The following LIPC variants were observed in gnomAD, a reference collection of about 807,000 sequenced individuals.
LIPC encodes the protein hepatic triacylglycerol lipase.
LIPC carries 44 observed loss-of-function variants against 50.7 expected under a neutral mutation model. The observed-to-expected ratio is 0.87, with a 90% CI of 0.68 to 1.11. The LOEUF is 1.11. Ranked by LOEUF, LIPC falls within the 50% of genes most tolerant of loss-of-function variation. LIPC has a pLI of 0.00. For synonymous variants in LIPC, 271 were observed against 256.4 expected, an observed-to-expected ratio of 1.06 and a Z score of -0.54; for missense variants, 697 against 648.2, an observed-to-expected ratio of 1.08 and a Z score of -0.82.
chr15:58,460,477 G>C (rs187135864), intron 1 of LIPC, among the ~76,000 whole-genome samples: 1 of 152,206 alleles, frequency 6.6e-6, no homozygotes, highest in Non-Finnish European at 1.5e-5. Flanking sequence ...TCTCAGCCTC[G>C]TACTGCGTGC....
intron 8 of LIPC, chr15:58,566,054 T>A: frequency 1.0e-6 from 1 of 982,354 alleles, no homozygotes; most frequent in Non-Finnish European, 1.2e-6. Flanking sequence ...ATACAAAGCA[T>A]CTGGGAATCA....
At chr15:58,515,597 C>T (rs1209505413) in intron 1 of LIPC, among the ~76,000 whole-genome samples, 2 of 150,256 alleles carry the variant, frequency 1.3e-5, no homozygotes, top group African/African-American at 4.9e-5. Context: ...ACAAAAAGGG[C>T]CTTTGGAGAT....
intron 1 of LIPC, among the ~76,000 whole-genome samples, chr15:58,519,752 C>T (rs191874722): frequency 7.2e-5 from 11 of 152,198 alleles, no homozygotes; most frequent in Non-Finnish European, 2.9e-5. Flanking sequence ...GTGTCTCCTC[C>T]GGAGTTATTC....
intron 1 of LIPC, among the ~76,000 whole-genome samples, chr15:58,532,776 A>G (rs546099839): frequency 3.9e-5 from 6 of 152,296 alleles, no homozygotes; most frequent in African/African-American, 1.2e-4. Context: ...CCCCACCTCA[A>G]TTGCCTGCAG....
chr15:58,472,575 TCA>T (rs1890849940), intron 1 of LIPC, among the ~76,000 whole-genome samples: 1 of 51,440 alleles, frequency 1.9e-5, no homozygotes. Context: ...GACTCTTGTC[TCA>T]AAAAAAAAAA....
At chr15:58,500,747 CT>C (rs1891956776) in intron 1 of LIPC, among the ~76,000 whole-genome samples, 1 of 137,704 alleles carries the variant, frequency 7.3e-6, no homozygotes, top group African/African-American at 2.7e-5. Context: ...CACCACCCCC[CT>C]CTCCCCCCAC....
chr15:58,525,967 A>G (rs1892790048), intron 1 of LIPC, among the ~76,000 whole-genome samples: 1 of 152,186 alleles, frequency 6.6e-6, no homozygotes, highest in African/African-American at 2.4e-5. Context: ...CGTTTATCTC[A>G]TTCACTTACA....
intron 6 of LIPC, among the ~76,000 whole-genome samples, chr15:58,558,696 C>A (rs1243141166): frequency 1.3e-5 from 2 of 149,466 alleles, no homozygotes; most frequent in East Asian, 4.0e-4. Flanking sequence ...ATCCCCCCTG[C>A]CCCCACACTG....
At chr15:58,522,927 T>G (rs1323434838) in intron 1 of LIPC, 1 of 152,252 alleles carries the variant, frequency 6.6e-6, no homozygotes, top group African/African-American at 2.4e-5. Flanking sequence ...CTTTCCAACA[T>G]TCGTCACTTT....
chr15:58,527,122 T>C (rs1003095525), intron 1 of LIPC, among the ~76,000 whole-genome samples: 5 of 152,144 alleles, frequency 3.3e-5, no homozygotes, highest in Non-Finnish European at 7.4e-5. Flanking sequence ...CAAAAGAATA[T>C]CTTAGGGGAA....
intron 1 of LIPC, among the ~76,000 whole-genome samples, chr15:58,518,788 C>T (rs1303295635): frequency 6.6e-6 from 1 of 152,072 alleles, no homozygotes; most frequent in African/African-American, 2.4e-5. Context: ...TGATGGAAGT[C>T]TGAACAGTTA....
Position 58,503,386 on chromosome 15 carries a change from C to T in LIPC, c.89-34947C>T, listed in dbSNP as rs867682625. Among the ~76,000 whole-genome samples, 18 of 152,228 alleles carry T rather than the reference C, an allele frequency of 1.2e-4. No individual in the cohort carries two copies. In the South Asian group the frequency reaches 3.7e-3, roughly 32 times the overall value. On this transcript the variant is annotated intron_variant, in intron 1 of 8. Transcript: ENST00000299022. ...GAGTCCAAGGTAGGACACTAAGAGT[C>T]AGGGAGAGGTGATTTGTGAAAGGCT...
chr15:58,469,102 T>TG (rs1894682861), intron 1 of LIPC, among the ~76,000 whole-genome samples: 2 of 140,624 alleles, frequency 1.4e-5, no homozygotes, highest in African/African-American at 2.7e-5. Context: ...AGGGAACATT[T>TG]TGTGTGTGTG....
chr15:58,489,930 A>G (rs1463016155), intron 1 of LIPC, among the ~76,000 whole-genome samples: 1 of 152,148 alleles, frequency 6.6e-6, no homozygotes, highest in Admixed American at 6.5e-5. Flanking sequence ...AGCAAGATGG[A>G]GTCAACTATG....
At chr15:58,443,505 T>C (rs1350383494) in intron 1 of LIPC, among the ~76,000 whole-genome samples, 1 of 152,246 alleles carries the variant, frequency 6.6e-6, no homozygotes, top group Admixed American at 6.5e-5. Flanking sequence ...AATTCTGGGC[T>C]ACTTTTAAGG....
chr15:58,468,984 C>G (rs16940339), intron 1 of LIPC, among the ~76,000 whole-genome samples: 1 of 152,188 alleles, frequency 6.6e-6, no homozygotes, highest in Non-Finnish European at 1.5e-5. Flanking sequence ...CTAAGCTCCA[C>G]TGCCCAGAGC....
At chr15:58,517,382 A>T (rs962820521) in intron 1 of LIPC, among the ~76,000 whole-genome samples, 2 of 152,260 alleles carry the variant, frequency 1.3e-5, no homozygotes, top group East Asian at 1.9e-4. Context: ...ATAACACTGC[A>T]TATCTTCACC....
chr15:58,475,324 C>T (rs1360765471), intron 1 of LIPC, among the ~76,000 whole-genome samples: 2 of 152,312 alleles, frequency 1.3e-5, no homozygotes, highest in South Asian at 2.1e-4. Context: ...ATGTTTCTTC[C>T]CTGCTCAAGA....
At chr15:58,483,847 G>A (rs1313049055) in intron 1 of LIPC, among the ~76,000 whole-genome samples, 1 of 152,172 alleles carries the variant, frequency 6.6e-6, no homozygotes, top group Non-Finnish European at 1.5e-5. Flanking sequence ...TTCTCTGGGA[G>A]ATTTGACTGC....
Sources: gnomAD v4.1 joint callset for allele counts (sites outside exome capture counted in the v4.1 genomes callset) on GRCh38, gnomAD v4.1.1 for gene constraint, MANE v1.5 for transcripts, NCBI Gene and HGNC (gene_info 2026-07-23, HGNC 2026-07-21) for gene names.